The following ABI3BP variants were observed in gnomAD, a reference collection of about 807,000 sequenced individuals.
ABI3BP encodes the protein target of Nesh-SH3.
ABI3BP carries 216 observed loss-of-function variants against 268.6 expected under a neutral mutation model. The ratio of observed to expected loss-of-function variants is 0.80; its 90% CI spans 0.72 to 0.90. The LOEUF (loss-of-function observed/expected upper bound fraction) is 0.90, where lower values mean the gene tolerates loss of function less well. Among genes scored for constraint, ABI3BP ranks in the 40% least tolerant of loss-of-function variants. The probability of loss-of-function intolerance (pLI) is 0.00; values close to 1 mark genes in which losing one functional copy is unlikely to be tolerated. For synonymous variants in ABI3BP, 730 were observed against 730.0 expected, an observed-to-expected ratio of 1.00 and a Z score of 0.00; for missense variants, 2,090 against 2,182.4, an observed-to-expected ratio of 0.96 and a Z score of 0.84.
chr3:100,840,762 C>T (rs2098683449), intron 22 of ABI3BP, 58 bp downstream of exon 22: 1 of 1,394,506 alleles, frequency 7.2e-7, no homozygotes, highest in South Asian at 1.3e-5. Context: ...TCTGTCAACA[C>T]AGATACCAGC....
At chr3:100,860,582 A>G (rs538097963) in intron 14 of ABI3BP, among the ~76,000 whole-genome samples, 11 of 152,218 alleles carry the variant, frequency 7.2e-5, no homozygotes, top group Admixed American at 1.3e-4. Context: ...TAACTCTGTA[A>G]CCTTTACATC....
intron 3 of ABI3BP, 24 bp from the exon 4 acceptor site, chr3:100,898,918 A>G (rs764808708): frequency 1.1e-5 from 18 of 1,583,918 alleles, no homozygotes; most frequent in Non-Finnish European, 1.5e-5. Flanking sequence ...ATAGAGGTTA[A>G]TAATTCAGGA....
chr3:100,800,184 A>G lies in ABI3BP; in HGVS notation c.3758-3716T>C, dbSNP rs192381151. 1.6e-4 allele frequency among the ~76,000 whole-genome samples: 24 copies of G among 151,552 alleles called. No individual in the cohort carries two copies. The East Asian group carries it at 4.6e-3, about 29-fold the overall frequency. On this transcript the variant is annotated intron_variant, in intron 51 of 67. Coordinates refer to ENST00000471714, the MANE Select transcript of ABI3BP (RefSeq NM_001375547.2). ...AGACTTATCTTTCTAGATTGTTGCA[A>G]ACCTACTAAGTGATTCCTGGCTATT...
intron 55 of ABI3BP, 78 bp downstream of exon 55, chr3:100,792,613 C>A: frequency 7.0e-7 from 1 of 1,431,736 alleles, no homozygotes; most frequent in South Asian, 1.2e-5. Flanking sequence ...TGAGAAATGA[C>A]ATTCTGAAAG....
At chr3:100,759,289 G>A (rs143261384) in intron 63 of ABI3BP, among the ~76,000 whole-genome samples, 22 of 152,264 alleles carry the variant, frequency 1.4e-4, no homozygotes, top group African/African-American at 4.8e-4. Context: ...AAAGAGGAAG[G>A]ACTGCTCAAC....
At chr3:100,987,207 G>A (rs144220651) in intron 1 of ABI3BP, among the ~76,000 whole-genome samples, 232 of 152,284 alleles carry the variant, frequency 1.5e-3, no homozygotes, top group African/African-American at 5.2e-3. Flanking sequence ...GATCCAGATA[G>A]AGTGATTGGT....
At chr3:100,842,095 G>GGGCC in intron 20 of ABI3BP, 56 bp from the exon 21 acceptor site, 1 of 1,373,866 alleles carries the variant, frequency 7.3e-7, no homozygotes, top group Non-Finnish European at 1.0e-6. Flanking sequence ...ATCTGAGATA[G>GGGCC]AAGTGACATG....
At chr3:100,808,090 A>G in intron 50 of ABI3BP, 71 bp downstream of exon 50, 1 of 1,324,170 alleles carries the variant, frequency 7.6e-7, no homozygotes, top group Non-Finnish European at 1.1e-6. Flanking sequence ...CATAACTATT[A>G]ATGAACAATT....
At chr3:100,922,535 T>C (rs537364981) in intron 2 of ABI3BP, among the ~76,000 whole-genome samples, 1 of 148,702 alleles carries the variant, frequency 6.7e-6, no homozygotes, top group Non-Finnish European at 1.5e-5. Flanking sequence ...ATGGTGATGG[T>C]GATGGTGATG....
chr3:100,750,753 C>G (rs775435417), intron 67 of ABI3BP, 143 bp from the exon 68 acceptor site: 3 of 614,118 alleles, frequency 4.9e-6, no homozygotes, highest in Admixed American at 3.3e-5. Flanking sequence ...GCAAGAAGTT[C>G]TGGTGTTTTT....
Position 100,752,933 on chromosome 3 carries a change from A to G in ABI3BP, c.4976T>C (p.Ile1659Thr), listed in dbSNP as rs1414298502. 6.2e-7 allele frequency: 1 copy of G among 1,612,102 alleles called. No individual in the cohort carries two copies. The highest frequency in any genetic ancestry group is 1.7e-5 in the Admixed American group (1 of 59,740). ...SEPVSAGRDA[I>T]WTERPFNSDS... ...TGAATTAAAGGGTCTTTCAGTCCAG[A>G]TGGCATCTCTTCCTGCTACAAAAGG... The change falls in exon 66 of 68, where the codon ATC (isoleucine) becomes ACC (threonine). Residue 1659 changes from isoleucine to threonine, a missense_variant. Physicochemically the swap from Ile to Thr is moderately conservative, Grantham distance 89. Transcript: ENST00000471714.
At chr3:100,881,054 AG>A (rs1342736847) in intron 6 of ABI3BP, among the ~76,000 whole-genome samples, 4 of 152,202 alleles carry the variant, frequency 2.6e-5, no homozygotes, top group Non-Finnish European at 5.9e-5. Flanking sequence ...TTCTAATGAA[AG>A]TTACAAAACA....
chr3:100,902,396 T>C (rs967757012), intron 3 of ABI3BP, among the ~76,000 whole-genome samples: 5 of 152,128 alleles, frequency 3.3e-5, no homozygotes, highest in African/African-American at 1.2e-4. Flanking sequence ...CTTATGTAAT[T>C]CCCTGCAGTT....
intron 6 of ABI3BP, among the ~76,000 whole-genome samples, 192 bp downstream of exon 6, chr3:100,885,344 A>G: frequency 6.6e-6 from 1 of 152,074 alleles, no homozygotes; most frequent in East Asian, 1.9e-4. Context: ...CTTCAAACAA[A>G]TCAGAGATGA....
At chr3:100,755,834 C>T (rs2095586186) in intron 63 of ABI3BP, among the ~76,000 whole-genome samples, 3 of 152,220 alleles carry the variant, frequency 2.0e-5, no homozygotes. Context: ...CAGATTTGCT[C>T]AAGGCTTTTG....
Position 100,985,141 on chromosome 3 carries a change from C to CTTTTTT in ABI3BP, c.79+8159_79+8164dup, listed in dbSNP as rs1172049956. ...ACTCCACTGAAGTTTCAGAAAAGCACTTTTTTTTTTTTTTTTTTTTTTTTT... is the reference window on the plus strand; with the variant it reads ...ACTCCACTGAAGTTTCAGAAAAGCACTTTTTTTTTTTTTTTTTTTTTTTTTTTTTTT... On this transcript the variant is annotated intron_variant, in intron 1 of 67. Transcript: ENST00000471714. 3.2e-3 allele frequency among the ~76,000 whole-genome samples: 258 copies of CTTTTTT among 79,858 alleles called. 4 individuals are homozygous for CTTTTTT. The highest frequency in any genetic ancestry group is 0.012 in the African/African-American group (246 of 19,920). 52.4% of individuals were successfully genotyped at this position (79,858 alleles called of 152,430 possible). A position where few individuals can be genotyped will look rare whatever the true frequency, so the allele number is the denominator to read the frequency against.
At chr3:100,919,568 A>T (rs1275611609) in intron 2 of ABI3BP, among the ~76,000 whole-genome samples, 2 of 152,246 alleles carry the variant, frequency 1.3e-5, no homozygotes. Context: ...TCAATCGTAA[A>T]TCAACTTTGC....
intron 50 of ABI3BP, 74 bp downstream of exon 50, chr3:100,808,086 TA>T: frequency 7.8e-7 from 1 of 1,286,746 alleles, no homozygotes; most frequent in Non-Finnish European, 1.1e-6. Flanking sequence ...CTATCATAAC[TA>T]TTAATGAACA....
chr3:100,862,377 C>T lies in ABI3BP; in HGVS notation c.1219G>A (p.Glu407Lys), dbSNP rs201090518. 4.1e-5 allele frequency: 65 copies of T among 1,591,610 alleles called. No homozygotes were observed. In the African/African-American group the frequency reaches 7.6e-4, roughly 19 times the overall value. The change falls in exon 14 of 68, where the codon GAA becomes AAA. Residue 407 changes from glutamate (E) to lysine (K), a missense_variant. Physicochemically the swap from Glu to Lys is moderately conservative, Grantham distance 56 (BLOSUM62 1). Coordinates refer to ENST00000471714, the MANE Select transcript of ABI3BP (RefSeq NM_001375547.2). ...GCTGTAGGCACAATCCATGGCTTTT[C>T]ACTTGAAGCTATATTGAAAAGAAAT... ...EKPRGTLASS[E>K]KPWIVPTAKI...
Sources: allele counts gnomAD v4.1 joint callset (sites outside exome capture counted in the v4.1 genomes callset), GRCh38; gene constraint gnomAD v4.1.1; transcripts MANE v1.5; gene names NCBI Gene and HGNC (gene_info 2026-07-23, HGNC 2026-07-21).